KHDRBS2: variants seen among roughly 807,000 people sequenced by gnomAD.
KHDRBS2 encodes KH RNA binding domain containing, signal transduction associated 2.
A neutral mutation model predicts 44.3 loss-of-function variants in KHDRBS2; 26 were observed. That is an observed-to-expected ratio of 0.59 (90% CI 0.43 to 0.81). KHDRBS2 has a LOEUF of 0.81. KHDRBS2 is among the 40% of genes least tolerant of loss of function. KHDRBS2 has a pLI of 0.00. For synonymous variants in KHDRBS2, 194 were observed against 151.1 expected, an observed-to-expected ratio of 1.28 and a Z score of -2.08; for missense variants, 476 against 433.1, an observed-to-expected ratio of 1.10 and a Z score of -0.88.
chr6:61,974,718 G>A (rs1049151481), intron 4 of KHDRBS2, among the ~76,000 whole-genome samples: 4 of 151,702 alleles, frequency 2.6e-5, no homozygotes, highest in African/African-American at 9.7e-5. Flanking sequence ...GGATCATGAG[G>A]TCAAGATTTC....
At chr6:61,623,986 C>A in the KHDRBS2 span, among the ~76,000 whole-genome samples, 1 of 152,060 alleles carries the variant, frequency 6.6e-6, no homozygotes. Flanking sequence ...GAGGTGAAAA[C>A]ATATACAAAT....
At chr6:61,946,021 AAGAG>A (rs963480586) in intron 4 of KHDRBS2, among the ~76,000 whole-genome samples, 3 of 152,190 alleles carry the variant, frequency 2.0e-5, no homozygotes, top group Admixed American at 6.6e-5. Context: ...AAGAGATTGA[AAGAG>A]AGAGAGTAAT....
chr6:61,596,313 C>T, the KHDRBS2 span, among the ~76,000 whole-genome samples: 1 of 152,186 alleles, frequency 6.6e-6, no homozygotes, highest in Non-Finnish European at 1.5e-5. Context: ...AAAATCTGAT[C>T]AATAGTCCCA....
chr6:61,557,459 C>T, the KHDRBS2 span, among the ~76,000 whole-genome samples: 1 of 152,160 alleles, frequency 6.6e-6, no homozygotes. Flanking sequence ...TGAATATCTC[C>T]ATTGTGAATG....
chr6:61,550,425 T>C, the KHDRBS2 span, among the ~76,000 whole-genome samples: 753 of 152,326 alleles, frequency 4.9e-3, 6 homozygotes, highest in African/African-American at 0.017. Flanking sequence ...ACATTTGCTT[T>C]ATCCAGTCTA....
At chr6:61,942,770 T>G (rs1431470286) in intron 4 of KHDRBS2, among the ~76,000 whole-genome samples, 1 of 152,064 alleles carries the variant, frequency 6.6e-6, no homozygotes, top group East Asian at 1.9e-4. Context: ...TACAGCATCT[T>G]GAAGTCAAAC....
At chr6:62,231,269 T>G (rs1351960753) in intron 1 of KHDRBS2, among the ~76,000 whole-genome samples, 1 of 152,138 alleles carries the variant, frequency 6.6e-6, no homozygotes, top group Admixed American at 6.6e-5. Context: ...GAGGTTTAAT[T>G]GACTAACAAT....
At chr6:61,686,328 C>T (rs1441502186) in intron 8 of KHDRBS2, among the ~76,000 whole-genome samples, 8 of 151,680 alleles carry the variant, frequency 5.3e-5, no homozygotes, top group Admixed American at 1.3e-4. Flanking sequence ...AATGGCATTA[C>T]GACATGGTTG....
chr6:61,663,787 A>T, the KHDRBS2 span, among the ~76,000 whole-genome samples: 3 of 151,486 alleles, frequency 2.0e-5, no homozygotes, highest in African/African-American at 7.3e-5. Context: ...GAATTATTTG[A>T]TGAATAAACT....
intron 2 of KHDRBS2, among the ~76,000 whole-genome samples, chr6:62,058,328 C>T (rs527471652): frequency 6.6e-6 from 1 of 151,820 alleles, no homozygotes; most frequent in Non-Finnish European, 1.5e-5. Context: ...TTCCATCATT[C>T]GTTGATACTC....
intron 6 of KHDRBS2, chr6:61,813,898 T>A (rs1788501851): frequency 2.2e-6 from 1 of 455,778 alleles, no homozygotes; most frequent in Non-Finnish European, 4.4e-6. Flanking sequence ...TTTGCCTCCA[T>A]TATTACTCCC....
At chr6:62,236,377 A>G (rs1235829018) in intron 1 of KHDRBS2, among the ~76,000 whole-genome samples, 1 of 152,012 alleles carries the variant, frequency 6.6e-6, no homozygotes, top group African/African-American at 2.4e-5. Flanking sequence ...AAAGTTCTCT[A>G]TTTCTGATTT....
intron 6 of KHDRBS2, among the ~76,000 whole-genome samples, chr6:61,865,301 A>G (rs1797612787): frequency 6.6e-6 from 1 of 152,184 alleles, no homozygotes; most frequent in African/African-American, 2.4e-5. Flanking sequence ...AAAAAGATAT[A>G]CTAGAGACTG....
chr6:62,245,339 C>T (rs1835368053), intron 1 of KHDRBS2, among the ~76,000 whole-genome samples: 1 of 152,070 alleles, frequency 6.6e-6, no homozygotes, highest in South Asian at 2.1e-4. Flanking sequence ...CCTACGTAGT[C>T]CATGCAAAGA....
intron 4 of KHDRBS2, among the ~76,000 whole-genome samples, chr6:61,955,403 C>CATATGTGTAT (rs1383584721): frequency 0.018 from 585 of 31,766 alleles, 235 homozygotes; most frequent in African/African-American, 0.13. Context: ...TGTATGTATA[C>CATATGTGTAT]ATATACGTGT....
chr6:61,562,258 G>T, the KHDRBS2 span, among the ~76,000 whole-genome samples: 1 of 152,166 alleles, frequency 6.6e-6, no homozygotes, highest in Non-Finnish European at 1.5e-5. Flanking sequence ...TCTAGCCTGA[G>T]AGGCAAAATC....
chr6:62,026,641 C>T (rs1330993546), intron 3 of KHDRBS2, among the ~76,000 whole-genome samples: 1 of 151,430 alleles, frequency 6.6e-6, no homozygotes. Flanking sequence ...GATTATGTTG[C>T]CCCAGCTGGT....
intron 6 of KHDRBS2, among the ~76,000 whole-genome samples, chr6:61,748,488 T>A (rs1777182797): frequency 1.3e-5 from 2 of 152,208 alleles, no homozygotes; most frequent in Admixed American, 6.5e-5. Context: ...TCACCAGGTC[T>A]ATATTAAGTT....
chr6:61,727,899 T>G (rs963570557), intron 7 of KHDRBS2, among the ~76,000 whole-genome samples: 2 of 152,100 alleles, frequency 1.3e-5, no homozygotes, highest in African/African-American at 4.8e-5. Context: ...GAAATACCCT[T>G]TGACCCAGCA....
Sources: gnomAD v4.1 joint callset for allele counts (sites outside exome capture counted in the v4.1 genomes callset) on GRCh38, gnomAD v4.1.1 for gene constraint, MANE v1.5 for transcripts, NCBI Gene and HGNC (gene_info 2026-07-23, HGNC 2026-07-21) for gene names.